Variants in CIB4 observed in about 807,000 individuals in gnomAD.
The protein encoded by CIB4 is calcium and integrin binding family member 4.
CIB4 carries 25 observed loss-of-function variants against 25.8 expected under a neutral mutation model. The observed-to-expected ratio is 0.97, with a 90% CI of 0.71 to 1.35. CIB4 has a LOEUF of 1.35. Among genes scored for constraint, CIB4 ranks in the 40% most tolerant of loss-of-function variants. CIB4 has a pLI of 0.00. For synonymous variants in CIB4, 75 were observed against 81.4 expected (o/e 0.92, Z 0.42); for missense variants, 235 against 228.2 (o/e 1.03, Z -0.19).
intron 2 of CIB4, 22 bp from the exon 3 acceptor site, chr2:26,629,528 C>T: frequency 6.6e-7 from 1 of 1,511,674 alleles, no homozygotes; most frequent in Non-Finnish European, 9.0e-7. Flanking sequence ...GGCATGAAGA[C>T]CGTGTGGCCG....
intron 1 of CIB4, 137 bp from the exon 2 acceptor site, chr2:26,640,704 T>G (rs1669619286): frequency 2.3e-6 from 2 of 870,844 alleles, no homozygotes; most frequent in South Asian, 3.3e-5. Flanking sequence ...CAGGTTGAGG[T>G]GGATGCCTGA....
chr2:26,593,262 C>T (rs1668617603), intron 4 of CIB4, among the ~76,000 whole-genome samples: 1 of 151,954 alleles, frequency 6.6e-6, no homozygotes, highest in Non-Finnish European at 1.5e-5. Flanking sequence ...TGAGCCAGTT[C>T]CTAGAATAAA....
chr2:26,589,002 C>A (rs886120883), intron 4 of CIB4, among the ~76,000 whole-genome samples: 1 of 16,318 alleles, frequency 6.1e-5, no homozygotes. Context: ...TCTTCTTCTT[C>A]TTCTTCTTCT....
rs11286952 is a variant in CIB4, at chr2:26,596,746, T to TA, written c.187-1430dup. 9.4e-3 allele frequency among the ~76,000 whole-genome samples: 1,348 copies of TA among 143,350 alleles called. 20 individuals are homozygous for TA. Among genetic ancestry groups the TA allele is most frequent in the African/African-American group, 0.033 (1,287 of 38,738 alleles). 94.0% of individuals were successfully genotyped at this position (143,350 alleles called of 152,430 possible). On this transcript the variant is annotated intron_variant, in intron 3 of 6. Coordinates refer to ENST00000288861, the MANE Select transcript of CIB4 (RefSeq NM_001029881.3). ...TGGGCAAAAAGAGCAAAACTGCATC[T>TA]AAAAAAAAAAAAAAAAGTAAAGCTT...
intron 3 of CIB4, among the ~76,000 whole-genome samples, chr2:26,615,762 C>T (rs1454020371): frequency 8.5e-5 from 13 of 152,272 alleles, no homozygotes; most frequent in Admixed American, 8.5e-4. Flanking sequence ...TCCACTGCTG[C>T]CTGCTCGACC....
chr2:26,617,147 T>TGTGTGTGTGTGTGTGTGCGCGC (rs10665609), intron 3 of CIB4, among the ~76,000 whole-genome samples: 6 of 150,530 alleles, frequency 4.0e-5, no homozygotes, highest in Admixed American at 1.3e-4. Flanking sequence ...TGTGTGTGTG[T>TGTGTGTGTGTGTGTGTGCGCGC]GCACGTGAGC....
At position 26,589,066 on chromosome 2, in the gene CIB4, CTCT is replaced by C. The variant is rs1365384371; in HGVS notation, c.329-5171_329-5169del. The stretch of plus-strand genomic sequence containing the variant: ...CTTCTTCTTCTTCTTCTTCCTCTTC[CTCT>C]TCCTCTTCTTCTTCTTCTTCTTCTT... On this transcript the variant is annotated intron_variant, in intron 4 of 6. Transcript: ENST00000288861. Among the ~76,000 whole-genome samples, 221 of 46,344 alleles carry C rather than the reference CTCT, an allele frequency of 4.8e-3. 23 individuals are homozygous for C. The highest frequency in any genetic ancestry group is 0.043 in the Middle Eastern group (4 of 92). 30.4% of individuals were successfully genotyped at this position (46,344 alleles called of 152,430 possible). A position where few individuals can be genotyped will look rare whatever the true frequency, so the allele number is the denominator to read the frequency against.
intron 2 of CIB4, among the ~76,000 whole-genome samples, chr2:26,634,327 C>T (rs924928344): frequency 6.6e-6 from 1 of 152,202 alleles, no homozygotes; most frequent in African/African-American, 2.4e-5. Context: ...CTTCTTTAGC[C>T]TGAAAATGTG....
chr2:26,591,013 G>A (rs572898766), intron 4 of CIB4, among the ~76,000 whole-genome samples: 1 of 152,346 alleles, frequency 6.6e-6, no homozygotes, highest in East Asian at 1.9e-4. Flanking sequence ...GTGCCTTGAA[G>A]CCCAAGGAGA....
rs181390518 is a variant in CIB4, at chr2:26,586,887, C to T, written c.329-2989G>A. 2.4e-3 allele frequency among the ~76,000 whole-genome samples: 360 copies of T among 152,206 alleles called. 1 individual carries two copies. Among genetic ancestry groups the T allele is most frequent in the Non-Finnish European group, 3.5e-3 (238 of 68,022 alleles). On this transcript the variant is annotated intron_variant, in intron 4 of 6. Coordinates refer to ENST00000288861, the MANE Select transcript of CIB4 (RefSeq NM_001029881.3). ...AAGAGGCACAGACAACTTCTGGGAC[C>T]ATCTATAAAGAGAAGGTGTGGTCGT...
At chr2:26,586,998 T>C (rs1033687280) in intron 4 of CIB4, among the ~76,000 whole-genome samples, 23 of 151,990 alleles carry the variant, frequency 1.5e-4, no homozygotes, top group Admixed American at 1.4e-3. Flanking sequence ...AGCTTTAGAA[T>C]AGGTAACTGG....
intron 3 of CIB4, among the ~76,000 whole-genome samples, chr2:26,617,145 T>TGTGTGTGTGTGTGTGTGCGC (rs1381689008): frequency 7.2e-6 from 1 of 139,026 alleles, no homozygotes; most frequent in African/African-American, 2.6e-5. Flanking sequence ...TGTGTGTGTG[T>TGTGTGTGTGTGTGTGTGCGC]GTGCACGTGA....
At chr2:26,587,131 C>T (rs1668472531) in intron 4 of CIB4, among the ~76,000 whole-genome samples, 1 of 151,742 alleles carries the variant, frequency 6.6e-6, no homozygotes, top group South Asian at 2.1e-4. Flanking sequence ...ACAGTGAAAC[C>T]CCGTCTCTAC....
chr2:26,601,231 A>ATATATATATATAT (rs1553374674), intron 3 of CIB4, among the ~76,000 whole-genome samples: 1 of 17,238 alleles, frequency 5.8e-5, no homozygotes, highest in African/African-American at 1.5e-4. Flanking sequence ...AAAAAAAAAA[A>ATATATATATATAT]ATATATATAT....
At chr2:26,619,228 G>A (rs1020521962) in intron 3 of CIB4, among the ~76,000 whole-genome samples, 2 of 152,108 alleles carry the variant, frequency 1.3e-5, no homozygotes, top group Non-Finnish European at 2.9e-5. Flanking sequence ...CATTTCCCAG[G>A]AGTCTCCCCA....
chr2:26,606,501 G>A (rs970458540), intron 3 of CIB4, among the ~76,000 whole-genome samples: 1 of 152,104 alleles, frequency 6.6e-6, no homozygotes, highest in Non-Finnish European at 1.5e-5. Context: ...CCCTCCTCCC[G>A]CGCCCCTCAA....
intron 1 of CIB4, among the ~76,000 whole-genome samples, chr2:26,641,004 G>A (rs1004091560): frequency 6.6e-6 from 1 of 152,170 alleles, no homozygotes; most frequent in Admixed American, 6.5e-5. Context: ...AGCTTTGAAT[G>A]GGGTCCCAAC....
intron 2 of CIB4, among the ~76,000 whole-genome samples, chr2:26,632,911 A>T (rs988408886): frequency 2.0e-4 from 30 of 152,192 alleles, no homozygotes; most frequent in African/African-American, 7.2e-4. Context: ...ATTTTCAACA[A>T]AAATTAATGT....
rs183719723 is a variant in CIB4, at chr2:26,625,636, G to A, written c.186+3774C>T. ...CAAAGTGCTGGGATTACAGGCGTGA[G>A]CCACTGTGCCCACCTGTGGAAAACA... is the stretch of plus-strand genomic sequence containing the variant. On this transcript the variant is annotated intron_variant, in intron 3 of 6. Transcript: ENST00000288861. Among the ~76,000 whole-genome samples the A allele has an allele frequency of 3.9e-3, 593 of 152,326 alleles. 4 individuals carry two copies. Among genetic ancestry groups the A allele is most frequent in the African/African-American group, 0.013 (545 of 41,576 alleles).
Sources: allele counts gnomAD v4.1 joint callset (sites outside exome capture counted in the v4.1 genomes callset), GRCh38; gene constraint gnomAD v4.1.1; transcripts MANE v1.5; gene names NCBI Gene and HGNC (gene_info 2026-07-23, HGNC 2026-07-21).